ABCC8: variants seen among roughly 807,000 people sequenced by gnomAD.
ABCC8 encodes ATP binding cassette subfamily C member 8.
A neutral mutation model predicts 188.0 loss-of-function variants in ABCC8; 137 were observed. The ratio of observed to expected loss-of-function variants is 0.73; its 90% CI spans 0.63 to 0.84. The LOEUF (loss-of-function observed/expected upper bound fraction) is 0.84, where lower values mean the gene tolerates loss of function less well. Among genes scored for constraint, ABCC8 ranks in the 40% least tolerant of loss-of-function variants. The probability of loss-of-function intolerance (pLI) is 0.00; values close to 1 mark genes in which losing one functional copy is unlikely to be tolerated. For missense variants in ABCC8, 1,750 were observed against 2,072.7 expected (o/e 0.84, Z 3.02); for synonymous variants, 797 against 846.5 (o/e 0.94, Z 1.01).
chr11:17,476,657 G>A lies in ABCC8; in HGVS notation c.120C>T (p.Leu40=). 1.2e-6 allele frequency: 2 copies of A among 1,612,382 alleles called. No homozygotes were observed. Among genetic ancestry groups the A allele is most frequent in the Non-Finnish European group, 1.7e-6 (2 of 1,179,374 alleles). ...TGAAGAGGATGGGGAAGGTGATGAA[G>A]AGTAGGAAGACGTGCGGCACCACGT... ...ALNVVPHVFL[L]FITFPILFIG... The change falls in exon 1 of 39, where the codon CTC becomes CTT. Residue 40 remains leucine (L), a synonymous_variant. Coordinates refer to ENST00000389817, the MANE Select transcript of ABCC8 (RefSeq NM_000352.6).
At chr11:17,426,383 G>A (rs765109065) in intron 16 of ABCC8, among the ~76,000 whole-genome samples, 2 of 152,144 alleles carry the variant, frequency 1.3e-5, no homozygotes, top group African/African-American at 2.4e-5. Context: ...CCATTCTAAC[G>A]GGTGTGAGAT....
chr11:17,408,952 CTTTTTTTT>C (rs376681171), intron 22 of ABCC8, among the ~76,000 whole-genome samples: 1 of 125,824 alleles, frequency 7.9e-6, no homozygotes, highest in Non-Finnish European at 1.6e-5. Flanking sequence ...ATCAATAAAT[CTTTTTTTT>C]TTTTTTTTTT....
In ABCC8 at chr11:17,431,060, G is replaced by T. The variant is rs563580806; in HGVS notation, c.1672-101C>A. The T allele has an allele frequency of 1.0e-4, 159 of 1,542,868 alleles. 1 individual carries two copies. In the South Asian group the frequency reaches 1.6e-3, roughly 15 times the overall value. ...GGAAGGGAAATGAGAGGGCTGTCAG[G>T]GAGCAGGCTCCTAAGAGGATCTTTT... On this transcript the variant is annotated intron_variant, in intron 11 of 38. Coordinates refer to ENST00000389817, the MANE Select transcript of ABCC8 (RefSeq NM_000352.6).
intron 6 of ABCC8, among the ~76,000 whole-genome samples, chr11:17,458,205 G>A (rs1305188061): frequency 6.6e-6 from 1 of 152,100 alleles, no homozygotes; most frequent in Non-Finnish European, 1.5e-5. Context: ...TGGGCTGCAG[G>A]GAAAAAATAT....
intron 4 of ABCC8, among the ~76,000 whole-genome samples, chr11:17,462,835 C>T (rs749907823): frequency 3.3e-5 from 5 of 152,088 alleles, no homozygotes; most frequent in Non-Finnish European, 5.9e-5. Context: ...AGATAAATAC[C>T]GTGGGGGAAA....
rs945940642 is a variant in ABCC8 at position 17,453,346 on chromosome 11, A to G, written c.1012-63T>C. 5.6e-6 allele frequency: 9 copies of G among 1,601,240 alleles called. No individual in the cohort carries two copies. In the African/African-American group the frequency reaches 1.2e-4, roughly 21 times the overall value. Reference sequence around the variant, plus strand: ...CAGCAAAATGACCACCGTAGAACACATCACTGTGCCATAATGGACCACGGC... The same window carrying G: ...CAGCAAAATGACCACCGTAGAACACGTCACTGTGCCATAATGGACCACGGC... On this transcript the variant is annotated intron_variant, in intron 6 of 38. Coordinates refer to ENST00000389817, the MANE Select transcript of ABCC8 (RefSeq NM_000352.6).
At chr11:17,438,649 T>C (rs896761578) in intron 10 of ABCC8, among the ~76,000 whole-genome samples, 1 of 152,196 alleles carries the variant, frequency 6.6e-6, no homozygotes, top group Non-Finnish European at 1.5e-5. Context: ...GAAAAAAAGA[T>C]TGAACTGACT....
At chr11:17,436,019 G>A (rs936563533) in intron 10 of ABCC8, 32 of 1,284,052 alleles carry the variant, frequency 2.5e-5, no homozygotes, top group South Asian at 1.2e-5. Flanking sequence ...ATAGTGATGT[G>A]GGGAGATATG....
chr11:17,408,534 A>G lies in ABCC8; in HGVS notation c.2695-17T>C. 6.2e-7 allele frequency: 1 copy of G among 1,605,838 alleles called. No individual in the cohort carries two copies. On this transcript the variant is annotated splice_polypyrimidine_tract_variant and intron_variant, in intron 22 of 38. Coordinates refer to ENST00000389817, the MANE Select transcript of ABCC8 (RefSeq NM_000352.6). ...GGCAATGATCTGGAAAGGCAGCAAC[A>G]AACGTGGTTTGGGGGCTGGCTGGGG...
chr11:17,396,068 TTGGACACCAC>T, intron 33 of ABCC8, 138 bp from the exon 34 acceptor site: 1 of 1,509,634 alleles, frequency 6.6e-7, no homozygotes. Flanking sequence ...TAGTTTCTCT[TTGGACACCAC>T]AGGTTTGGGC....
chr11:17,464,021 T>C (rs1347282249), intron 3 of ABCC8, among the ~76,000 whole-genome samples: 1 of 152,148 alleles, frequency 6.6e-6, no homozygotes, highest in East Asian at 1.9e-4. Context: ...ACAAAGGAAA[T>C]GAGGCTCAGA....
At position 17,405,452 on chromosome 11, in the gene ABCC8, G is replaced by T; in HGVS notation, c.3399+42C>A. On this transcript the variant is annotated intron_variant, in intron 27 of 38. Transcript: ENST00000389817. The stretch of plus-strand genomic sequence containing the variant: ...CAGGAGAAGCCCCCAGGGGTCCGAG[G>T]TGTCTCTGGAAGGGGGGATAGTGTG... 3 of 1,613,860 alleles carry T rather than the reference G, an allele frequency of 1.9e-6. No individual in the cohort carries two copies. The Middle Eastern group carries it at 5.0e-4, about 271-fold the overall frequency.
chr11:17,394,567 A>C, intron 36 of ABCC8, 168 bp from the exon 37 acceptor site: 1 of 785,686 alleles, frequency 1.3e-6, no homozygotes, highest in Non-Finnish European at 1.5e-6. Flanking sequence ...TGACACAACA[A>C]TGTGGAGGCC....
At chr11:17,435,052 C>T (rs1956023837) in intron 10 of ABCC8, among the ~76,000 whole-genome samples, 1 of 151,072 alleles carries the variant, frequency 6.6e-6, no homozygotes, top group Non-Finnish European at 1.5e-5. Flanking sequence ...TTAATATGTT[C>T]AATGATAATT....
intron 6 of ABCC8, 54 bp from the exon 7 acceptor site, chr11:17,453,337 G>A (rs760012959): frequency 3.8e-5 from 61 of 1,605,598 alleles, no homozygotes; most frequent in East Asian, 1.3e-4. Context: ...AATGACCACC[G>A]TAGAACACAT....
Position 17,407,442 on chromosome 11 carries a change from T to C in ABCC8, c.2832A>G (p.Thr944=), listed in dbSNP as rs1954598978. 6.2e-7 allele frequency: 1 copy of C among 1,614,142 alleles called. No individual in the cohort carries two copies. The highest frequency in any genetic ancestry group is 8.5e-7 in the Non-Finnish European group (1 of 1,180,020). The change falls in exon 24 of 39, where the codon ACA becomes ACG. Residue 944 remains threonine (T), a synonymous_variant. Transcript: ENST00000389817. Reference sequence around the variant, plus strand: ...GGGGTGGCTCTGTGGCTTTTCTCTCTGTGACAGTCTCCTAAAAGACAGATG... The same window carrying C: ...GGGGTGGCTCTGTGGCTTTTCTCTCCGTGACAGTCTCCTAAAAGACAGATG... ...QDQELEKETV[T]ERKATEPPQG...
At chr11:17,402,172 C>T (rs1335175024) in intron 29 of ABCC8, among the ~76,000 whole-genome samples, 1 of 152,132 alleles carries the variant, frequency 6.6e-6, no homozygotes, top group East Asian at 1.9e-4. Context: ...CTTTGTGGCA[C>T]CTTACACAGA....
At chr11:17,431,031 C>T (rs2133550034) in intron 11 of ABCC8, 72 bp from the exon 12 acceptor site, 1 of 1,584,770 alleles carries the variant, frequency 6.3e-7, no homozygotes, top group East Asian at 2.3e-5. Context: ...AAACGCTCAG[C>T]ACTGGAAGGG....
chr11:17,430,908 C>T lies in ABCC8; in HGVS notation c.1723G>A (p.Val575Met), dbSNP rs149930713. Residue 575 changes from valine to methionine, a missense_variant, in exon 12 of 39, where the codon GTG becomes ATG. Coordinates refer to ENST00000389817, the MANE Select transcript of ABCC8 (RefSeq NM_000352.6). Reference protein sequence around the residue: ...FFKEADFSPSVAFASLSLFHI... With the variant: ...FFKEADFSPSMAFASLSLFHI... ...AAGAGGGAGAGGGAGGCAAAGGCCA[C>T]GGAGGGCGAGAAGTCGGCCTCTTTG... 4.3e-6 allele frequency: 7 copies of T among 1,614,080 alleles called. No homozygotes were observed. The highest frequency in any genetic ancestry group is 5.9e-6 in the Non-Finnish European group (7 of 1,180,030).
Sources: allele counts gnomAD v4.1 joint callset (sites outside exome capture counted in the v4.1 genomes callset), GRCh38; gene constraint gnomAD v4.1.1; transcripts MANE v1.5; gene names NCBI Gene and HGNC (gene_info 2026-07-23, HGNC 2026-07-21).